Variants in FRMD5 observed in about 807,000 individuals in gnomAD.
FRMD5 encodes the protein FERM domain-containing protein 5.
In FRMD5, 20 loss-of-function variants were observed where a neutral mutation model predicts 69.0. That is an observed-to-expected ratio of 0.29 (90% CI 0.20 to 0.42). FRMD5 has a LOEUF of 0.42. FRMD5 is among the 10% of genes least tolerant of loss of function. The pLI, the probability that FRMD5 is intolerant of heterozygous loss-of-function variation, is 1.00. For missense variants in FRMD5, 595 were observed against 708.6 expected (o/e 0.84, Z 1.82); for synonymous variants, 271 against 260.1 (o/e 1.04, Z -0.40).
intron 1 of FRMD5, among the ~76,000 whole-genome samples, chr15:43,973,373 T>G (rs1285082837): frequency 1.3e-5 from 2 of 151,288 alleles, no homozygotes; most frequent in Admixed American, 6.6e-5. Flanking sequence ...CTAATGTTTT[T>G]TTTTTTTTTT....
chr15:44,039,142 G>A (rs1252507136), intron 1 of FRMD5, among the ~76,000 whole-genome samples: 1 of 152,180 alleles, frequency 6.6e-6, no homozygotes, highest in African/African-American at 2.4e-5. Flanking sequence ...TCTAGGCAGG[G>A]CATCTCTGAA....
chr15:44,193,651 G>A (rs2078232099), intron 1 of FRMD5, among the ~76,000 whole-genome samples: 1 of 152,062 alleles, frequency 6.6e-6, no homozygotes, highest in South Asian at 2.1e-4. Flanking sequence ...ATGGATCTTT[G>A]GCAGCAGTCA....
At chr15:43,972,328 T>C (rs891684784) in intron 1 of FRMD5, among the ~76,000 whole-genome samples, 1 of 152,084 alleles carries the variant, frequency 6.6e-6, no homozygotes, top group Admixed American at 6.6e-5. Flanking sequence ...AAAGCATATA[T>C]AAGTTATTCT....
At chr15:44,132,098 A>C (rs531886923) in intron 1 of FRMD5, among the ~76,000 whole-genome samples, 99 of 152,246 alleles carry the variant, frequency 6.5e-4, no homozygotes, top group African/African-American at 2.3e-3. Context: ...TCTCATAAGG[A>C]GTGCGCAGCC....
At chr15:44,077,160 G>A (rs964265029) in intron 1 of FRMD5, among the ~76,000 whole-genome samples, 37 of 152,042 alleles carry the variant, frequency 2.4e-4, no homozygotes, top group African/African-American at 8.9e-4. Flanking sequence ...CATGTCAATG[G>A]GTAACTGAAT....
intron 1 of FRMD5, among the ~76,000 whole-genome samples, chr15:44,009,167 TG>T (rs1890599024): frequency 6.6e-6 from 1 of 152,222 alleles, no homozygotes; most frequent in Non-Finnish European, 1.5e-5. Flanking sequence ...AAAGAATGGA[TG>T]AACAAATCAC....
intron 1 of FRMD5, among the ~76,000 whole-genome samples, chr15:44,011,406 A>T (rs910874965): frequency 1.3e-5 from 2 of 152,174 alleles, no homozygotes; most frequent in African/African-American, 4.8e-5. Context: ...ACTAAGAGGG[A>T]AGAGTCAAAG....
At chr15:43,910,098 A>C in intron 4 of FRMD5, 119 bp from the exon 5 acceptor site, 2 of 544,998 alleles carry the variant, frequency 3.7e-6, no homozygotes, top group Non-Finnish European at 6.5e-6. Context: ...TTAAAAAAAA[A>C]TCCTAAAACA....
chr15:44,139,131 C>T (rs2077229126), intron 1 of FRMD5, among the ~76,000 whole-genome samples: 1 of 152,000 alleles, frequency 6.6e-6, no homozygotes, highest in Non-Finnish European at 1.5e-5. Context: ...TATTGTATCT[C>T]AGTAAAGCCA....
chr15:44,059,285 C>G (rs1036711104), intron 1 of FRMD5, among the ~76,000 whole-genome samples: 1 of 151,854 alleles, frequency 6.6e-6, no homozygotes, highest in African/African-American at 2.4e-5. Context: ...TTTCAAAGAG[C>G]CTTTAAGGGA....
chr15:43,888,307 A>G (rs1281406063), intron 9 of FRMD5, 41 bp from the exon 10 acceptor site: 2 of 1,417,002 alleles, frequency 1.4e-6, no homozygotes, highest in Non-Finnish European at 2.0e-6. Flanking sequence ...GTGTGGATGG[A>G]GAAGCAAAGG....
intron 1 of FRMD5, among the ~76,000 whole-genome samples, chr15:44,124,308 T>C (rs562891919): frequency 3.3e-5 from 5 of 151,382 alleles, no homozygotes; most frequent in African/African-American, 1.2e-4. Context: ...TACCCAATAA[T>C]TCCACCTGGT....
intron 1 of FRMD5, among the ~76,000 whole-genome samples, chr15:44,083,753 T>C (rs1447937530): frequency 6.6e-6 from 1 of 152,024 alleles, no homozygotes; most frequent in Non-Finnish European, 1.5e-5. Context: ...TCAAAAACAA[T>C]GATAAAAGCA....
chr15:43,993,317 C>A (rs1005904374), intron 1 of FRMD5, among the ~76,000 whole-genome samples: 2 of 152,070 alleles, frequency 1.3e-5, no homozygotes, highest in East Asian at 1.9e-4. Context: ...CTCAGCCTCC[C>A]GAGTAGCTGG....
At chr15:44,045,523 A>G (rs921248779) in intron 1 of FRMD5, among the ~76,000 whole-genome samples, 2 of 152,242 alleles carry the variant, frequency 1.3e-5, no homozygotes, top group Non-Finnish European at 1.5e-5. Context: ...AAAGTGGAAA[A>G]GTTTACTATG....
chr15:43,969,238 C>G (rs1010595320), intron 1 of FRMD5, among the ~76,000 whole-genome samples: 1 of 151,952 alleles, frequency 6.6e-6, no homozygotes, highest in African/African-American at 2.4e-5. Context: ...TACACCACCA[C>G]ATCCATGTAA....
At chr15:44,153,771 C>A (rs1306633362) in intron 1 of FRMD5, among the ~76,000 whole-genome samples, 1 of 152,170 alleles carries the variant, frequency 6.6e-6, no homozygotes, top group East Asian at 1.9e-4. Flanking sequence ...GAGTTCAAGA[C>A]CAGCCTGGCC....
In FRMD5 at chr15:43,984,948, C is replaced by T. The variant is rs149600435; in HGVS notation, c.103-60639G>A. The stretch of plus-strand genomic sequence containing the variant: ...GCAGTGAGCCGAGATCGCGCCACTG[C>T]ACCCCAAACTGGGCGACAGAACAAC... On this transcript the variant is annotated intron_variant, in intron 1 of 13. Coordinates refer to ENST00000417257, the MANE Select transcript of FRMD5 (RefSeq NM_032892.5). 2.4e-3 allele frequency among the ~76,000 whole-genome samples: 361 copies of T among 150,028 alleles called. 1 individual carries two copies. The highest frequency in any genetic ancestry group is 4.8e-3 in the Admixed American group (72 of 14,966).
chr15:43,905,926 C>G lies in FRMD5; in HGVS notation c.453G>C (p.Gly151=), dbSNP rs1451411131. 1 of 1,614,066 alleles carries G rather than the reference C, an allele frequency of 6.2e-7. No homozygotes were observed. Among genetic ancestry groups the G allele is most frequent in the Non-Finnish European group, 8.5e-7 (1 of 1,180,026 alleles). ...TGGAGCTGTAGCCTTCAGGGTGTTT[C>G]CCTGAGTCATAATCCCCAATCTCCG... The part of the protein sequence containing the change: ...LQAEIGDYDS[G]KHPEGYSSKF... The change falls in exon 6 of 14, where the codon GGG becomes GGC. Residue 151 remains glycine, a synonymous_variant. Transcript: ENST00000417257.
Sources: allele counts gnomAD v4.1 joint callset (sites outside exome capture counted in the v4.1 genomes callset), GRCh38; gene constraint gnomAD v4.1.1; transcripts MANE v1.5; gene names NCBI Gene and HGNC (gene_info 2026-07-23, HGNC 2026-07-21).